CDH17: variants seen among roughly 807,000 people sequenced by gnomAD.
CDH17 encodes the protein cadherin-17.
In CDH17, 67 loss-of-function variants were observed where a neutral mutation model predicts 86.3. That is an observed-to-expected ratio of 0.78 (90% CI 0.64 to 0.95). The LOEUF is 0.95. Ranked by LOEUF, CDH17 falls within the 40% of genes least tolerant of loss-of-function variation. CDH17 has a pLI of 0.00. For synonymous variants in CDH17, 367 were observed against 366.4 expected (o/e 1.00, Z -0.02); for missense variants, 993 against 1,017.6 (o/e 0.98, Z 0.33).
At chr8:94,168,710 T>TCA (rs1813213540) in intron 9 of CDH17, among the ~76,000 whole-genome samples, 1 of 152,118 alleles carries the variant, frequency 6.6e-6, no homozygotes, top group South Asian at 2.1e-4. Flanking sequence ...AATGACTTCT[T>TCA]CAGTCTCAGA....
rs1292808801 is a variant in CDH17, at chr8:94,137,986, A to G, written c.2168-6994T>C. ...TGTTAGCTATGTAATTGGGTAAGTC[A>G]TAACATTTATAGGCCTCAAAATCCC... On this transcript the variant is annotated intron_variant, in intron 15 of 17. Transcript: ENST00000027335. Among the ~76,000 whole-genome samples the G allele has an allele frequency of 5.9e-5, 9 of 152,204 alleles. No homozygotes were observed. In the East Asian group the frequency reaches 1.7e-3, roughly 29 times the overall value.
intron 2 of CDH17, among the ~76,000 whole-genome samples, chr8:94,191,012 T>C (rs531299203): frequency 3.9e-5 from 6 of 152,312 alleles, no homozygotes; most frequent in African/African-American, 1.4e-4. Context: ...TCTCCTTTTC[T>C]TCCTCCCACC....
At chr8:94,188,078 T>C (rs62526265) in intron 3 of CDH17, among the ~76,000 whole-genome samples, 26,478 of 152,068 alleles carry the variant, frequency 0.17, 2,605 homozygotes, top group Non-Finnish European at 0.21. Context: ...CAGTTGTCCC[T>C]TGGCATTGGT....
Position 94,170,398 on chromosome 8 carries a change from C to A in CDH17, c.1065G>T (p.Leu355=). The A allele has an allele frequency of 6.2e-7, 1 of 1,613,426 alleles. No homozygotes were observed. Among genetic ancestry groups the A allele is most frequent in the South Asian group, 1.1e-5 (1 of 90,944 alleles). The stretch of plus-strand genomic sequence containing the variant: ...CATTAGGCAGCTCTCATTTCTTACC[C>A]AGTCGTTCATTCTCCTGGACCTCAA... The part of the protein sequence containing the change: ...TVFEVQENER[L]GNSIGTLTAH... Residue 355 remains leucine, a splice_region_variant and synonymous_variant, in exon 9 of 18, where the codon CTG becomes CTT. Transcript: ENST00000027335.
At chr8:94,211,013 T>A (rs1233088119), upstream of CDH17, among the ~76,000 whole-genome samples, 1 of 128,542 alleles carries the variant, frequency 7.8e-6, no homozygotes, top group African/African-American at 3.2e-5. Flanking sequence ...AGAGCAAGAC[T>A]GCATCTCAAA....
In CDH17 at chr8:94,130,862, A is replaced by G. The variant is rs1299468869; in HGVS notation, c.2284+14T>C. ...ACAGATACTAGCCTGAGTTGCCTAT[A>G]GCAGAATATCTACCTGGTAAAGAAA... is the stretch of plus-strand genomic sequence containing the variant. On this transcript the variant is annotated intron_variant, in intron 16 of 17. Coordinates refer to ENST00000027335, the MANE Select transcript of CDH17 (RefSeq NM_004063.4). 1.9e-6 allele frequency: 3 copies of G among 1,563,724 alleles called. No individual in the cohort carries two copies. Among genetic ancestry groups the G allele is most frequent in the Non-Finnish European group, 2.6e-6 (3 of 1,134,028 alleles).
rs530775245 is a variant in CDH17 at position 94,166,562 on chromosome 8, C to CG, written c.1067-587dup. On this transcript the variant is annotated intron_variant, in intron 9 of 17. Transcript: ENST00000027335. ...ACCTCAACATATAATTTGGGGGGCA[C>CG]GGGGACACATTCAGCCCATAACACC... is the stretch of plus-strand genomic sequence containing the variant. 4.5e-4 allele frequency among the ~76,000 whole-genome samples: 69 copies of CG among 152,184 alleles called. 1 individual carries two copies. In the South Asian group the frequency reaches 0.012, roughly 27 times the overall value.
At chr8:94,163,833 G>A (rs1392645686) in intron 10 of CDH17, among the ~76,000 whole-genome samples, 2 of 152,164 alleles carry the variant, frequency 1.3e-5, no homozygotes, top group Non-Finnish European at 2.9e-5. Flanking sequence ...AACAAGAATG[G>A]CTGAAGACTG....
chr8:94,198,078 C>T (rs779326594), intron 1 of CDH17, among the ~76,000 whole-genome samples: 1 of 151,812 alleles, frequency 6.6e-6, no homozygotes, highest in Non-Finnish European at 1.5e-5. Context: ...TGATAGCTAC[C>T]TAGATGTAGA....
Position 94,145,968 on chromosome 8 carries a change from A to T in CDH17, c.2127T>A (p.Ser709Arg). 6.2e-7 allele frequency: 1 copy of T among 1,613,686 alleles called. No individual in the cohort carries two copies. Residue 709 changes from serine (S) to arginine (R), a missense_variant, in exon 15 of 18, where the codon AGT becomes AGA. Coordinates refer to ENST00000027335, the MANE Select transcript of CDH17 (RefSeq NM_004063.4). ...RGPHFTFSLG[S>R]GSLQNDWEVS... ...CTTCCCAGTCGTTTTGTAAGCTTCC[A>T]CTGCCGAGGGAAAATGTAAAATGGG...
chr8:94,135,826 A>G (rs199689182), intron 15 of CDH17, among the ~76,000 whole-genome samples: 1 of 152,074 alleles, frequency 6.6e-6, no homozygotes, highest in African/African-American at 2.4e-5. Context: ...GCTTCCTTCA[A>G]GAGCTCTTGT....
Position 94,170,517 on chromosome 8 carries a change from A to G in CDH17, c.946T>C (p.Tyr316His). 1 of 1,613,898 alleles carries G rather than the reference A, an allele frequency of 6.2e-7. No individual in the cohort carries two copies. The highest frequency in any genetic ancestry group is 1.1e-5 in the South Asian group (1 of 91,076). ...YVFYAVAKDEYGKPLSYPLEI... is the reference protein window; with the variant it reads ...YVFYAVAKDEHGKPLSYPLEI... ...AGCGGATATGAAAGTGGTTTTCCGTACTCATCCTTTGCAACTGCATAAAAA... is the reference window on the plus strand; with the variant it reads ...AGCGGATATGAAAGTGGTTTTCCGTGCTCATCCTTTGCAACTGCATAAAAA... Residue 316 changes from tyrosine to histidine, a missense_variant, in exon 9 of 18, where the codon TAC becomes CAC. Tyr to His is a moderately conservative substitution (Grantham distance 83). Coordinates refer to ENST00000027335, the MANE Select transcript of CDH17 (RefSeq NM_004063.4).
intron 12 of CDH17, among the ~76,000 whole-genome samples, chr8:94,154,771 T>C (rs1255744532): frequency 6.6e-6 from 1 of 152,210 alleles, no homozygotes; most frequent in Non-Finnish European, 1.5e-5. Flanking sequence ...AGATCTTCAC[T>C]GACCCTAAGC....
chr8:94,204,663 G>A (rs1054035005), intron 1 of CDH17, among the ~76,000 whole-genome samples: 2 of 152,194 alleles, frequency 1.3e-5, no homozygotes, highest in Non-Finnish European at 2.9e-5. Context: ...TATATACCCA[G>A]TAATGGGATT....
At chr8:94,187,074 G>A (rs2157) in intron 3 of CDH17, among the ~76,000 whole-genome samples, 116,205 of 152,112 alleles carry the variant, frequency 0.76, 45,595 homozygotes, top group African/African-American at 0.88. Context: ...TCTTCTGTTC[G>A]CTCACTACCA....
chr8:94,200,554 T>G (rs1330693849), intron 1 of CDH17, among the ~76,000 whole-genome samples: 17 of 144,050 alleles, frequency 1.2e-4, no homozygotes, highest in South Asian at 2.3e-4. Context: ...TTTTTTTTTT[T>G]TTTTTTTTTT....
intron 11 of CDH17, 36 bp downstream of exon 11, chr8:94,162,050 A>T (rs776624962): frequency 8.0e-7 from 1 of 1,251,532 alleles, no homozygotes; most frequent in Non-Finnish European, 1.2e-6. Context: ...TAAAATGAAT[A>T]AAGTAAAGAA....
chr8:94,179,281 A>G (rs1010785032), intron 3 of CDH17, among the ~76,000 whole-genome samples: 28 of 152,130 alleles, frequency 1.8e-4, no homozygotes, highest in African/African-American at 6.8e-4. Flanking sequence ...ATTTGACCGG[A>G]CTCAGAATTC....
intron 8 of CDH17, 118 bp from the exon 9 acceptor site, chr8:94,170,665 T>C: frequency 7.2e-7 from 1 of 1,381,088 alleles, no homozygotes. Flanking sequence ...TCACTTAGAA[T>C]TGGAAAATTT....
Sources: allele counts gnomAD v4.1 joint callset (sites outside exome capture counted in the v4.1 genomes callset), GRCh38; gene constraint gnomAD v4.1.1; transcripts MANE v1.5; gene names NCBI Gene and HGNC (gene_info 2026-07-23, HGNC 2026-07-21).